NXPE3: variants seen among roughly 807,000 people sequenced by gnomAD.
The protein encoded by NXPE3 is NXPE family member 3.
NXPE3 carries 26 observed loss-of-function variants against 46.1 expected under a neutral mutation model. The ratio of observed to expected loss-of-function variants is 0.56; its 90% CI spans 0.41 to 0.78. NXPE3 has a LOEUF of 0.78. Among genes scored for constraint, NXPE3 ranks in the 30% least tolerant of loss-of-function variants. The pLI, the probability that NXPE3 is intolerant of heterozygous loss-of-function variation, is 0.00. For synonymous variants in NXPE3, 272 were observed against 257.9 expected, an observed-to-expected ratio of 1.05 and a Z score of -0.52; for missense variants, 620 against 686.0, an observed-to-expected ratio of 0.90 and a Z score of 1.07.
intron 4 of NXPE3, 28 bp downstream of exon 4, chr3:101,785,717 C>T (rs1940133383): frequency 3.8e-6 from 6 of 1,577,222 alleles, no homozygotes; most frequent in Middle Eastern, 1.7e-4. Context: ...TCCCTCATAA[C>T]TAAGGGAGCC....
At chr3:101,795,903 G>A (rs1940805276) in intron 4 of NXPE3, among the ~76,000 whole-genome samples, 1 of 152,168 alleles carries the variant, frequency 6.6e-6, no homozygotes, top group African/African-American at 2.4e-5. Flanking sequence ...TTGTAGGATG[G>A]CTACCAGAGC....
chr3:101,789,375 C>A (rs1940373135), intron 4 of NXPE3, among the ~76,000 whole-genome samples: 1 of 152,078 alleles, frequency 6.6e-6, no homozygotes. Context: ...GAGACCCCAT[C>A]TCTACAAAAA....
Position 101,801,614 on chromosome 3 carries a change from T to G in NXPE3, c.473T>G (p.Val158Gly). ...IHSLKLQAGA[V>G]GRVVDYQNGF... is the part of the protein sequence containing the mutation. The stretch of plus-strand genomic sequence containing the variant: ...TCCCTCAAGCTGCAGGCTGGGGCTG[T>G]GGGCAGGGTGGTGGATTACCAGAAT... The change falls in exon 5 of 8, where the codon GTG becomes GGG. Residue 158 changes from valine to glycine, a missense_variant. This residue lies in a region of NXPE3 where 511 missense variants were observed against 528.6 expected (regional missense o/e 0.97). Coordinates refer to ENST00000273347, the MANE Select transcript of NXPE3 (RefSeq NM_145037.4). 1 of 1,614,222 alleles carries G rather than the reference T, an allele frequency of 6.2e-7. No homozygotes were observed.
chr3:101,815,812 G>A (rs919028387), intron 6 of NXPE3, among the ~76,000 whole-genome samples: 3 of 152,092 alleles, frequency 2.0e-5, no homozygotes, highest in South Asian at 2.1e-4. Context: ...CTTGGCCAAC[G>A]TGATGAAACC....
At position 101,786,755 on chromosome 3, in the gene NXPE3, CT is replaced by C. The variant is rs551528805; in HGVS notation, c.93+1073del. Among the ~76,000 whole-genome samples the C allele has an allele frequency of 3.2e-3, 492 of 152,228 alleles. 6 individuals are homozygous for C. The highest frequency in any genetic ancestry group is 0.012 in the African/African-American group (484 of 41,538). ...GATGTGTCTAGATATTTTAGAAACT[CT>C]TTTTTTAAAGTATTTTTTGTGGTAA... On this transcript the variant is annotated intron_variant, in intron 4 of 7. Transcript: ENST00000273347.
intron 4 of NXPE3, among the ~76,000 whole-genome samples, chr3:101,800,705 T>G (rs78900900): frequency 1.4e-5 from 2 of 146,332 alleles, no homozygotes; most frequent in Non-Finnish European, 3.0e-5. Context: ...TTAAGGGTTG[T>G]TTTTTTTTTT....
At chr3:101,796,573 T>C (rs1940841310) in intron 4 of NXPE3, among the ~76,000 whole-genome samples, 1 of 152,154 alleles carries the variant, frequency 6.6e-6, no homozygotes, top group African/African-American at 2.4e-5. Context: ...TGTCACAGAC[T>C]TACAACAACT....
intron 7 of NXPE3, among the ~76,000 whole-genome samples, chr3:101,820,916 A>G (rs1336950496): frequency 3.9e-5 from 6 of 152,204 alleles, no homozygotes; most frequent in South Asian, 2.1e-4. Flanking sequence ...CAAGGTAACT[A>G]TTGGGTACTG....
At chr3:101,819,921 C>T (rs1335654877) in intron 7 of NXPE3, among the ~76,000 whole-genome samples, 7 of 152,156 alleles carry the variant, frequency 4.6e-5, no homozygotes, top group Admixed American at 4.6e-4. Flanking sequence ...CTCTGGTAAC[C>T]ACTATTCTAC....
chr3:101,803,979 G>A (rs1477675952), intron 5 of NXPE3, among the ~76,000 whole-genome samples: 1 of 152,154 alleles, frequency 6.6e-6, no homozygotes, highest in Non-Finnish European at 1.5e-5. Flanking sequence ...ACATATTTTT[G>A]AGGTAGATGT....
intron 2 of NXPE3, 60 bp downstream of exon 2, chr3:101,782,350 A>G (rs563578413): frequency 5.9e-5 from 9 of 152,270 alleles, no homozygotes; most frequent in South Asian, 4.1e-4. Flanking sequence ...ACTTTTTTCT[A>G]TAATCATTCC....
intron 5 of NXPE3, among the ~76,000 whole-genome samples, chr3:101,804,915 G>C (rs1351281820): frequency 6.6e-6 from 1 of 152,144 alleles, no homozygotes. Flanking sequence ...TTTTATTTTA[G>C]CATGATTGCT....
intron 4 of NXPE3, among the ~76,000 whole-genome samples, chr3:101,799,060 G>C (rs139577050): frequency 2.0e-5 from 3 of 152,020 alleles, no homozygotes; most frequent in Non-Finnish European, 2.9e-5. Flanking sequence ...TCAGCCTTCC[G>C]TGTAGCTAGG....
At chr3:101,820,560 T>C (rs1316866110) in intron 7 of NXPE3, among the ~76,000 whole-genome samples, 1 of 152,142 alleles carries the variant, frequency 6.6e-6, no homozygotes, top group African/African-American at 2.4e-5. Flanking sequence ...CATTCTGCCA[T>C]AAAGACACAT....
At chr3:101,797,445 T>C (rs2107282981) in intron 4 of NXPE3, among the ~76,000 whole-genome samples, 1 of 150,462 alleles carries the variant, frequency 6.6e-6, no homozygotes, top group Admixed American at 6.6e-5. Flanking sequence ...TTATTATACT[T>C]TAAGTTTTAG....
chr3:101,800,197 T>C (rs184087536), intron 4 of NXPE3, among the ~76,000 whole-genome samples: 26 of 152,348 alleles, frequency 1.7e-4, no homozygotes, highest in South Asian at 1.4e-3. Flanking sequence ...TGTATAGTAC[T>C]ATGAATTTCC....
intron 5 of NXPE3, 108 bp downstream of exon 5, chr3:101,802,097 A>T: frequency 9.6e-7 from 1 of 1,042,834 alleles, no homozygotes; most frequent in Non-Finnish European, 1.4e-6. Flanking sequence ...CCTCTCTCTC[A>T]ACTTGGCCCA....
chr3:101,779,723 C>CT (rs1409890548), intron 1 of NXPE3: 1 of 152,638 alleles, frequency 6.6e-6, no homozygotes, highest in Non-Finnish European at 1.5e-5. Flanking sequence ...CGAAAGACTT[C>CT]TGTCCTCCAG....
intron 4 of NXPE3, among the ~76,000 whole-genome samples, chr3:101,789,770 C>A (rs191993331): frequency 1.2e-4 from 18 of 152,216 alleles, no homozygotes; most frequent in Admixed American, 3.3e-4. Flanking sequence ...TGGCTCACTA[C>A]AGCCACAACC....
Sources: allele counts gnomAD v4.1 joint callset (sites outside exome capture counted in the v4.1 genomes callset), GRCh38; gene constraint gnomAD v4.1.1; regional missense constraint gnomAD v4.1.1; transcripts MANE v1.5; gene names NCBI Gene and HGNC (gene_info 2026-07-23, HGNC 2026-07-21).